FANCL: variants seen among roughly 807,000 people sequenced by gnomAD.
FANCL encodes E3 ubiquitin-protein ligase FANCL.
Under a neutral mutation model 59.4 loss-of-function variants are expected in FANCL, and 69 were observed. That is an observed-to-expected ratio of 1.16 (90% confidence interval 0.96 to 1.42). The LOEUF is 1.42. FANCL is among the 40% of genes most tolerant of loss of function. FANCL has a pLI of 0.00. For missense variants in FANCL, 519 were observed against 447.2 expected, an observed-to-expected ratio of 1.16 and a Z score of -1.45; for synonymous variants, 180 against 147.1, an observed-to-expected ratio of 1.22 and a Z score of -1.62.
At chr2:58,240,550 A>G (rs1438328092) in intron 1 of FANCL, among the ~76,000 whole-genome samples, 1 of 152,216 alleles carries the variant, frequency 6.6e-6, no homozygotes, top group African/African-American at 2.4e-5. Context: ...TTCTTTTAAA[A>G]ATTTCTGCCT....
intron 7 of FANCL, among the ~76,000 whole-genome samples, chr2:58,175,084 G>C (rs961866508): frequency 1.3e-5 from 2 of 150,568 alleles, no homozygotes; most frequent in African/African-American, 4.9e-5. Context: ...ACTAAACCAG[G>C]AAGAAGTTGA....
chr2:58,180,934 C>T (rs548626431), intron 7 of FANCL, among the ~76,000 whole-genome samples: 5 of 151,918 alleles, frequency 3.3e-5, no homozygotes, highest in Non-Finnish European at 5.9e-5. Flanking sequence ...TTAATAAGGA[C>T]ACAAAGCAAC....
chr2:58,173,989 A>G (rs1227266933), intron 7 of FANCL, among the ~76,000 whole-genome samples: 1 of 152,086 alleles, frequency 6.6e-6, no homozygotes, highest in Non-Finnish European at 1.5e-5. Flanking sequence ...TTGCAATCCT[A>G]GTCTCTGATA....
At chr2:58,226,486 C>T (rs1693012292) in intron 4 of FANCL, among the ~76,000 whole-genome samples, 1 of 152,058 alleles carries the variant, frequency 6.6e-6, no homozygotes, top group Non-Finnish European at 1.5e-5. Flanking sequence ...CACCACCTGC[C>T]CAACACTAGT....
Position 58,217,209 on chromosome 2 carries a change from TATATATACACAC to T in FANCL, c.374+4721_374+4732del, listed in dbSNP as rs1228293383. ...ATATATATATATATATATATATATA[TATATATACACAC>T]ACACACACACACACACACACACATA... is the stretch of plus-strand genomic sequence containing the variant. On this transcript the variant is annotated intron_variant, in intron 5 of 13. Coordinates refer to ENST00000233741, the MANE Select transcript of FANCL (RefSeq NM_018062.4). Among the ~76,000 whole-genome samples the T allele has an allele frequency of 7.3e-3, 66 of 8,980 alleles. 1 individual carries two copies. Among genetic ancestry groups the T allele is most frequent in the South Asian group, 0.027 (6 of 220 alleles). 5.9% of individuals were successfully genotyped at this position (8,980 alleles called of 152,430 possible).
intron 4 of FANCL, among the ~76,000 whole-genome samples, chr2:58,223,007 A>T (rs1692633582): frequency 6.6e-6 from 1 of 151,286 alleles, no homozygotes. Context: ...GTATATATCA[A>T]TTTTTTTTAA....
At chr2:58,239,128 T>C (rs770330876) in intron 1 of FANCL, among the ~76,000 whole-genome samples, 3 of 152,114 alleles carry the variant, frequency 2.0e-5, no homozygotes, top group Admixed American at 1.3e-4. Context: ...GTGATAGTAA[T>C]AGTCGACTCA....
Position 58,220,125 on chromosome 2 carries a change from C to T in FANCL, c.374+1817G>A, listed in dbSNP as rs537272855. On this transcript the variant is annotated intron_variant, in intron 5 of 13. Transcript: ENST00000233741. ...AGTGAAACACTATTACATGCAATCG[C>T]GATTTTAGTAAGGTTTTAACAGTTG... is the stretch of plus-strand genomic sequence containing the variant. Among the ~76,000 whole-genome samples the T allele has an allele frequency of 2.6e-5, 4 of 152,264 alleles. No homozygotes were observed. The South Asian group carries it at 6.2e-4, about 24-fold the overall frequency.
intron 8 of FANCL, among the ~76,000 whole-genome samples, chr2:58,165,126 T>C (rs746110289): frequency 2.6e-5 from 4 of 152,184 alleles, no homozygotes; most frequent in Non-Finnish European, 4.4e-5. Context: ...TTTGCTTGCT[T>C]ATAATGAAAA....
intron 7 of FANCL, among the ~76,000 whole-genome samples, chr2:58,168,383 G>A (rs1189844565): frequency 6.6e-6 from 1 of 152,186 alleles, no homozygotes; most frequent in Non-Finnish European, 1.5e-5. Flanking sequence ...GGGAAGCCAT[G>A]AGGGACTGTG....
chr2:58,211,158 C>T (rs1691108097), intron 5 of FANCL, among the ~76,000 whole-genome samples: 1 of 152,234 alleles, frequency 6.6e-6, no homozygotes, highest in South Asian at 2.1e-4. Context: ...CTGCAGCAAA[C>T]TTCTGCCTGG....
rs1693907414 is a variant in FANCL, at chr2:58,235,220, T to G, written c.97-3108A>C. On this transcript the variant is annotated intron_variant, in intron 1 of 13. Transcript: ENST00000233741. The stretch of plus-strand genomic sequence containing the variant: ...ACGCCAGCGAATTTCAGAGGATTCC[T>G]GACAAGGAGTCTTCAGCTGAGTACT... Among the ~76,000 whole-genome samples, 3 of 152,028 alleles carry G rather than the reference T, an allele frequency of 2.0e-5. No individual in the cohort carries two copies. The East Asian group carries it at 5.8e-4, about 29-fold the overall frequency.
chr2:58,190,877 G>A (rs1192714643), intron 7 of FANCL, among the ~76,000 whole-genome samples: 3 of 151,370 alleles, frequency 2.0e-5, no homozygotes, highest in African/African-American at 4.9e-5. Flanking sequence ...TTTTATTTTG[G>A]CACAAAAAGA....
chr2:58,172,259 G>GC (rs1173788165), intron 7 of FANCL, among the ~76,000 whole-genome samples: 2 of 152,202 alleles, frequency 1.3e-5, no homozygotes, highest in African/African-American at 4.8e-5. Context: ...GGTTCTCTCA[G>GC]CACGCACCTG....
At chr2:58,210,916 G>T (rs1179332174) in intron 5 of FANCL, among the ~76,000 whole-genome samples, 1 of 152,202 alleles carries the variant, frequency 6.6e-6, no homozygotes, top group Non-Finnish European at 1.5e-5. Flanking sequence ...ATTTTGCAGG[G>T]TATGGCACCC....
chr2:58,174,951 C>G (rs959935218), intron 7 of FANCL, among the ~76,000 whole-genome samples: 9 of 152,022 alleles, frequency 5.9e-5, no homozygotes, highest in African/African-American at 2.2e-4. Context: ...ATAAAGGGTA[C>G]ATCACCACCG....
chr2:58,190,629 C>A (rs964251413), intron 7 of FANCL, among the ~76,000 whole-genome samples: 1 of 151,696 alleles, frequency 6.6e-6, no homozygotes, highest in East Asian at 1.9e-4. Flanking sequence ...ACTCTAAAAT[C>A]AATGAAATAA....
At chr2:58,237,655 C>T (rs1426561171) in intron 1 of FANCL, among the ~76,000 whole-genome samples, 1 of 151,904 alleles carries the variant, frequency 6.6e-6, no homozygotes, top group Non-Finnish European at 1.5e-5. Context: ...ATTTATAAAC[C>T]TCTATCTAGA....
chr2:58,230,095 A>C (rs370100534), intron 2 of FANCL, among the ~76,000 whole-genome samples: 1 of 152,222 alleles, frequency 6.6e-6, no homozygotes, highest in Admixed American at 6.5e-5. Flanking sequence ...AATGACATGC[A>C]AACAGTACAT....
Sources: gnomAD v4.1 joint callset for allele counts (sites outside exome capture counted in the v4.1 genomes callset) on GRCh38, gnomAD v4.1.1 for gene constraint, MANE v1.5 for transcripts, NCBI Gene and HGNC (gene_info 2026-07-23, HGNC 2026-07-21) for gene names.